CTNND2: variants seen among roughly 807,000 people sequenced by gnomAD.
CTNND2 encodes catenin delta-2.
CTNND2 carries 22 observed loss-of-function variants against 144.4 expected under a neutral mutation model. The observed-to-expected ratio is 0.15, with a 90% CI of 0.11 to 0.22. The LOEUF (loss-of-function observed/expected upper bound fraction) is 0.22. Among genes scored for constraint, CTNND2 ranks in the 10% least tolerant of loss-of-function variants. CTNND2 has a pLI of 1.00. For missense variants in CTNND2, 1,353 were observed against 1,618.8 expected (o/e 0.84, Z 2.82); for synonymous variants, 751 against 695.6 (o/e 1.08, Z -1.25).
intron 2 of CTNND2, among the ~76,000 whole-genome samples, chr5:11,730,731 G>A (rs1353017317): frequency 6.6e-6 from 1 of 152,212 alleles, no homozygotes; most frequent in Non-Finnish European, 1.5e-5. Context: ...CTTTTCAACA[G>A]AGGAGCATGC....
chr5:11,032,282 AG>A (rs1414457979), intron 16 of CTNND2, among the ~76,000 whole-genome samples: 3 of 152,194 alleles, frequency 2.0e-5, no homozygotes, highest in Non-Finnish European at 4.4e-5. Flanking sequence ...AAAGGATTAA[AG>A]GGTTTTTTTC....
At chr5:11,358,562 T>A (rs556144139) in intron 8 of CTNND2, among the ~76,000 whole-genome samples, 1 of 152,326 alleles carries the variant, frequency 6.6e-6, no homozygotes, top group South Asian at 2.1e-4. Context: ...TAATAAGTAA[T>A]AAACTGCTGA....
At chr5:11,604,126 A>T (rs776363841) in intron 2 of CTNND2, among the ~76,000 whole-genome samples, 29 of 152,306 alleles carry the variant, frequency 1.9e-4, no homozygotes, top group African/African-American at 7.0e-4. Context: ...ATGTTTTGTG[A>T]ATATTCATAT....
At position 11,196,603 on chromosome 5, in the gene CTNND2, C is replaced by T. The variant is rs61751794; in HGVS notation, c.1975+2845G>A. 2.0e-5 allele frequency among the ~76,000 whole-genome samples: 3 copies of T among 152,344 alleles called. No individual in the cohort carries two copies. The East Asian group carries it at 5.8e-4, about 29-fold the overall frequency. On this transcript the variant is annotated intron_variant, in intron 11 of 21. Coordinates refer to ENST00000304623, the MANE Select transcript of CTNND2 (RefSeq NM_001332.4). ...TAATTCCTAAACAGATTTGCAGTGG[C>T]TCCTTGCGACAAAAGACGTGAAGCC...
chr5:11,890,508 T>G (rs558609574), intron 1 of CTNND2, among the ~76,000 whole-genome samples: 2 of 152,330 alleles, frequency 1.3e-5, no homozygotes, highest in Non-Finnish European at 2.9e-5. Flanking sequence ...TTCTGTCTTG[T>G]CTTCTCATTT....
chr5:11,896,280 C>T (rs1383129092), intron 1 of CTNND2, among the ~76,000 whole-genome samples: 1 of 152,102 alleles, frequency 6.6e-6, no homozygotes, highest in Non-Finnish European at 1.5e-5. Context: ...GGTAACTAAA[C>T]AGAATATGAG....
intron 2 of CTNND2, among the ~76,000 whole-genome samples, chr5:11,662,571 G>A (rs1783331154): frequency 6.6e-6 from 1 of 152,036 alleles, no homozygotes; most frequent in African/African-American, 2.4e-5. Flanking sequence ...GATTAAGGGT[G>A]GGTCTGTCTT....
intron 1 of CTNND2, among the ~76,000 whole-genome samples, chr5:11,814,103 T>C (rs1298390914): frequency 1.3e-5 from 2 of 152,270 alleles, no homozygotes; most frequent in Non-Finnish European, 2.9e-5. Context: ...ATTTACTTTA[T>C]GTATCTATTA....
At chr5:11,786,898 G>A (rs1790867497) in intron 1 of CTNND2, among the ~76,000 whole-genome samples, 2 of 152,136 alleles carry the variant, frequency 1.3e-5, no homozygotes, top group Admixed American at 1.3e-4. Context: ...TAGAGTTGGG[G>A]GACAGAAGTA....
chr5:11,082,267 A>G (rs1749652031), intron 16 of CTNND2, among the ~76,000 whole-genome samples: 1 of 152,228 alleles, frequency 6.6e-6, no homozygotes, highest in African/African-American at 2.4e-5. Flanking sequence ...TGAATACCAA[A>G]TTAAAGAGAG....
intron 11 of CTNND2, among the ~76,000 whole-genome samples, chr5:11,170,518 C>G (rs2149785562): frequency 6.6e-6 from 1 of 152,182 alleles, no homozygotes; most frequent in East Asian, 1.9e-4. Flanking sequence ...ACTTTTACAA[C>G]TAATTTTTCT....
In CTNND2 at chr5:11,146,734, T is replaced by G. The variant is rs781024344; in HGVS notation, c.2159+12842A>C. Among the ~76,000 whole-genome samples the G allele has an allele frequency of 2.0e-5, 3 of 152,138 alleles. No individual in the cohort carries two copies. The South Asian group carries it at 6.2e-4, about 32-fold the overall frequency. Reference sequence around the variant, plus strand: ...ACATGAGCACATCGTGAGGACAAAATGTACTAAGCAAGTCAGTGAGGCCAC... The same window carrying G: ...ACATGAGCACATCGTGAGGACAAAAGGTACTAAGCAAGTCAGTGAGGCCAC... On this transcript the variant is annotated intron_variant, in intron 12 of 21. Transcript: ENST00000304623.
At chr5:11,768,503 C>A (rs1254001055) in intron 1 of CTNND2, among the ~76,000 whole-genome samples, 1 of 152,150 alleles carries the variant, frequency 6.6e-6, no homozygotes, top group Non-Finnish European at 1.5e-5. Flanking sequence ...GTTGGCCAGG[C>A]TGGCCTTAAA....
At chr5:11,779,532 A>T (rs757623415) in intron 1 of CTNND2, among the ~76,000 whole-genome samples, 1 of 152,162 alleles carries the variant, frequency 6.6e-6, no homozygotes, top group East Asian at 1.9e-4. Flanking sequence ...CAAATGTAAC[A>T]TGGGTTATGG....
At position 11,037,963 on chromosome 5, in the gene CTNND2, T is replaced by C. The variant is rs544475376; in HGVS notation, c.2789-14984A>G. On this transcript the variant is annotated intron_variant, in intron 16 of 21. Transcript: ENST00000304623. ...TATTACTAATCTGGGTGTTTTTCTT[T>C]AGCCATAGGCCTTCATATTTACCTA... 2.6e-5 allele frequency among the ~76,000 whole-genome samples: 4 copies of C among 152,348 alleles called. No individual in the cohort carries two copies. The East Asian group carries it at 7.7e-4, about 29-fold the overall frequency.
In CTNND2 at chr5:11,903,365, G is replaced by A; in HGVS notation, c.37+452C>T. Reference sequence around the variant, plus strand: ...GCATATGACTAAGTCTTTCCATTTTGTTCTAGCCAAACATCGTAATGACAT... The same window carrying A: ...GCATATGACTAAGTCTTTCCATTTTATTCTAGCCAAACATCGTAATGACAT... On this transcript the variant is annotated intron_variant, in intron 1 of 21. Transcript: ENST00000304623. The surrounding 1 kb of genome is among the most constrained non-coding windows in gnomAD (Gnocchi z 5.4). The A allele has an allele frequency of 1.0e-6, 1 of 994,508 alleles. No individual in the cohort carries two copies. Among genetic ancestry groups the A allele is most frequent in the Non-Finnish European group, 1.2e-6 (1 of 836,326 alleles). The allele number at this position is 994,508 out of a possible 1,614,324, so 61.6% of individuals were successfully genotyped here.
intron 2 of CTNND2, among the ~76,000 whole-genome samples, chr5:11,597,464 C>A (rs1403538462): frequency 6.6e-6 from 1 of 152,152 alleles, no homozygotes; most frequent in Non-Finnish European, 1.5e-5. Context: ...ATTTAAGGCT[C>A]ATTTAGCTCT....
At chr5:11,415,198 C>A (rs1445307938) in intron 3 of CTNND2, among the ~76,000 whole-genome samples, 1 of 152,128 alleles carries the variant, frequency 6.6e-6, no homozygotes, top group Non-Finnish European at 1.5e-5. Context: ...ATTTATATTC[C>A]CACCAACAGT....
intron 13 of CTNND2, among the ~76,000 whole-genome samples, chr5:11,114,398 G>A (rs1753339170): frequency 6.6e-6 from 1 of 152,078 alleles, no homozygotes. Context: ...GGGAGGAATG[G>A]GGGAAAGAAG....
Sources: gnomAD v4.1 joint callset for allele counts (sites outside exome capture counted in the v4.1 genomes callset) on GRCh38, gnomAD v4.1.1 for gene constraint, Gnocchi (gnomAD v3.1) non-coding constraint, MANE v1.5 for transcripts, NCBI Gene and HGNC (gene_info 2026-07-23, HGNC 2026-07-21) for gene names.